Variants in TAOK3 observed in about 807,000 individuals in gnomAD.
TAOK3 encodes the protein serine/threonine-protein kinase TAO3.
TAOK3 carries 40 observed loss-of-function variants against 120.4 expected under a neutral mutation model. The ratio of observed to expected loss-of-function variants is 0.33; its 90% CI spans 0.26 to 0.43. TAOK3 has a LOEUF of 0.43. Ranked by LOEUF, TAOK3 falls within the 20% of genes least tolerant of loss-of-function variation. TAOK3 has a pLI of 1.00. For synonymous variants in TAOK3, 355 were observed against 387.5 expected (o/e 0.92, Z 0.99); for missense variants, 821 against 1,112.1 (o/e 0.74, Z 3.72).
chr12:118,303,762 C>T (rs2042955388), intron 1 of TAOK3, among the ~76,000 whole-genome samples: 1 of 152,166 alleles, frequency 6.6e-6, no homozygotes, highest in Admixed American at 6.5e-5. Context: ...ATTCTCCTGC[C>T]TCAGCTTCCT....
intron 1 of TAOK3, among the ~76,000 whole-genome samples, chr12:118,289,943 G>T (rs1419250229): frequency 6.7e-6 from 1 of 148,976 alleles, no homozygotes; most frequent in Admixed American, 6.7e-5. Context: ...GCAGTGAGCC[G>T]AGATCACACC....
In TAOK3 at chr12:118,205,465, C is replaced by T. The variant is rs138528556; in HGVS notation, c.820-4002G>A. 3.3e-4 allele frequency among the ~76,000 whole-genome samples: 50 copies of T among 152,048 alleles called. 1 individual carries two copies. The highest frequency in any genetic ancestry group is 7.2e-4 in the African/African-American group (30 of 41,494). On this transcript the variant is annotated intron_variant, in intron 11 of 20. Transcript: ENST00000392533. ...CCATAGCTAATTAGTAGAAGAGCTACGGCTGCAACTCAGGCTTTAAAAATT... is the reference window on the plus strand; with the variant it reads ...CCATAGCTAATTAGTAGAAGAGCTATGGCTGCAACTCAGGCTTTAAAAATT...
intron 1 of TAOK3, among the ~76,000 whole-genome samples, chr12:118,340,604 G>A (rs2044574343): frequency 6.6e-6 from 1 of 152,032 alleles, no homozygotes; most frequent in African/African-American, 2.4e-5. Context: ...TATAGAAAAT[G>A]TTAAATAAAA....
At chr12:118,246,110 G>C (rs544832967) in intron 3 of TAOK3, 2 of 1,340,588 alleles carry the variant, frequency 1.5e-6, no homozygotes, top group African/African-American at 1.5e-5. Context: ...GTGCAGCGGG[G>C]GGGCACGGAG....
At chr12:118,291,812 A>T (rs1335508524) in intron 1 of TAOK3, among the ~76,000 whole-genome samples, 2 of 152,052 alleles carry the variant, frequency 1.3e-5, no homozygotes, top group African/African-American at 4.8e-5. Context: ...TACATATGAA[A>T]TGAAAAAAAA....
In TAOK3 at chr12:118,254,632, C is replaced by T. The variant is rs1185452090; in HGVS notation, c.120+816G>A. Among the ~76,000 whole-genome samples the T allele has an allele frequency of 4.6e-5, 7 of 151,700 alleles. No individual in the cohort carries two copies. The East Asian group carries it at 9.7e-4, about 21-fold the overall frequency. On this transcript the variant is annotated intron_variant, in intron 3 of 20. Transcript: ENST00000392533. ...CTTAAGGTAAAACTTGTAGGATGAA[C>T]GGACAGGCATGGGGATGTAATGTGC...
At chr12:118,241,458 G>A (rs1037607273) in intron 5 of TAOK3, among the ~76,000 whole-genome samples, 3 of 152,060 alleles carry the variant, frequency 2.0e-5, no homozygotes, top group Non-Finnish European at 4.4e-5. Context: ...TGTGAATATA[G>A]AACTTTAAAA....
intron 10 of TAOK3, among the ~76,000 whole-genome samples, chr12:118,213,661 G>A (rs969439763): frequency 2.0e-5 from 3 of 151,824 alleles, no homozygotes; most frequent in African/African-American, 7.3e-5. Flanking sequence ...TGACATCATA[G>A]AGGGCCCCTT....
chr12:118,269,851 T>C (rs531353991), intron 1 of TAOK3, among the ~76,000 whole-genome samples: 8 of 152,236 alleles, frequency 5.3e-5, no homozygotes, highest in Non-Finnish European at 8.8e-5. Flanking sequence ...AAGACAGTAT[T>C]CCTGAAGTTC....
chr12:118,212,614 C>T lies in TAOK3; in HGVS notation c.819+300G>A, dbSNP rs148488816. ...TTTATGCAGATGTTAGGCCCAGGAACATCACAATGATGACTAGAGCAAGGA... is the reference window on the plus strand; with the variant it reads ...TTTATGCAGATGTTAGGCCCAGGAATATCACAATGATGACTAGAGCAAGGA... On this transcript the variant is annotated intron_variant, in intron 11 of 20. Coordinates refer to ENST00000392533, the MANE Select transcript of TAOK3 (RefSeq NM_016281.4). 8.2e-4 allele frequency among the ~76,000 whole-genome samples: 124 copies of T among 152,058 alleles called. 2 individuals carry two copies. The highest frequency in any genetic ancestry group is 2.9e-3 in the African/African-American group (121 of 41,470).
At chr12:118,323,358 C>A (rs929126710) in intron 1 of TAOK3, among the ~76,000 whole-genome samples, 2 of 152,010 alleles carry the variant, frequency 1.3e-5, no homozygotes, top group Admixed American at 6.6e-5. Context: ...AATAAAATGA[C>A]ATAAGGACAG....
intron 19 of TAOK3, among the ~76,000 whole-genome samples, chr12:118,152,912 G>A (rs76647980): frequency 0.013 from 1,966 of 152,200 alleles, 42 homozygotes; most frequent in African/African-American, 0.044. Context: ...TCATTATTTC[G>A]GTTTCAACTG....
intron 1 of TAOK3, among the ~76,000 whole-genome samples, chr12:118,309,283 C>T (rs930262144): frequency 4.2e-5 from 6 of 142,246 alleles, no homozygotes; most frequent in South Asian, 2.4e-4. Context: ...GAGCCGAGCT[C>T]GGGCCACTGC....
chr12:118,189,098 C>T (rs1184972162), intron 14 of TAOK3, among the ~76,000 whole-genome samples: 1 of 152,186 alleles, frequency 6.6e-6, no homozygotes, highest in African/African-American at 2.4e-5. Context: ...TCTTTTCTTC[C>T]ACAATCAGCC....
intron 2 of TAOK3, among the ~76,000 whole-genome samples, chr12:118,256,354 A>G (rs1228955399): frequency 6.6e-6 from 1 of 152,174 alleles, no homozygotes; most frequent in Non-Finnish European, 1.5e-5. Flanking sequence ...AGTTCATAAC[A>G]AACTTAAATA....
At chr12:118,254,649 G>A (rs1169177553) in intron 3 of TAOK3, among the ~76,000 whole-genome samples, 8 of 152,180 alleles carry the variant, frequency 5.3e-5, no homozygotes. Flanking sequence ...GCATGGGGAT[G>A]TAATGTGCAG....
chr12:118,267,285 G>A (rs986294734), intron 1 of TAOK3, among the ~76,000 whole-genome samples: 2 of 151,126 alleles, frequency 1.3e-5, no homozygotes, highest in Admixed American at 6.6e-5. Flanking sequence ...GCATGATCTC[G>A]GCTCACTGCA....
chr12:118,227,986 C>A (rs1052373310), intron 9 of TAOK3, among the ~76,000 whole-genome samples: 1 of 151,948 alleles, frequency 6.6e-6, no homozygotes, highest in Non-Finnish European at 1.5e-5. Flanking sequence ...TAACAGACAC[C>A]TATCACTTAG....
chr12:118,290,980 C>T (rs532670059), intron 1 of TAOK3, among the ~76,000 whole-genome samples: 7 of 150,196 alleles, frequency 4.7e-5, no homozygotes, highest in Admixed American at 1.3e-4. Context: ...CTCTGCCTCT[C>T]GAGTAGCTGG....
Sources: gnomAD v4.1 joint callset for allele counts (sites outside exome capture counted in the v4.1 genomes callset) on GRCh38, gnomAD v4.1.1 for gene constraint, MANE v1.5 for transcripts, NCBI Gene and HGNC (gene_info 2026-07-23, HGNC 2026-07-21) for gene names.